Variants in PYGB observed in about 807,000 individuals in gnomAD.
PYGB encodes the protein glycogen phosphorylase, brain form.
In PYGB, 82 loss-of-function variants were observed where a neutral mutation model predicts 94.3. The ratio of observed to expected loss-of-function variants is 0.87; its 90% CI spans 0.73 to 1.04. The LOEUF (loss-of-function observed/expected upper bound fraction) is 1.04. Ranked by LOEUF, PYGB falls within the 50% of genes least tolerant of loss-of-function variation. The probability of loss-of-function intolerance (pLI) is 0.00; values close to 1 mark genes in which losing one functional copy is unlikely to be tolerated. For synonymous variants in PYGB, 488 were observed against 479.1 expected (o/e 1.02, Z -0.24); for missense variants, 1,132 against 1,158.2 (o/e 0.98, Z 0.33).
chr20:25,249,092 C>G (rs1341848134), intron 1 of PYGB, among the ~76,000 whole-genome samples: 1 of 152,122 alleles, frequency 6.6e-6, no homozygotes, highest in East Asian at 1.9e-4. Context: ...TTATATCTTG[C>G]AAAAATTTGT....
In PYGB at chr20:25,284,138, A is replaced by AG. The variant is rs766610529; in HGVS notation, c.1657dup (p.Glu553GlyfsTer82). ...CTCAAGTTCTCGGCCTTCCTGGAGA[A>AG]GGAGTACAAGGTGAAGATCAACCCC... On this transcript the variant is annotated frameshift_variant, in exon 14 of 20. Transcript: ENST00000216962. LOFTEE classifies it high-confidence loss of function. 3 of 1,614,072 alleles carry AG rather than the reference A, an allele frequency of 1.9e-6. No homozygotes were observed.
At chr20:25,294,594 G>A (rs2258671) in intron 18 of PYGB, 6,432 of 539,958 alleles carry the variant, frequency 0.012, 221 homozygotes, top group African/African-American at 0.083. Context: ...GAGGTCCCAG[G>A]GGCAGCCGTG....
chr20:25,278,860 G>T (rs1392204049), intron 8 of PYGB, among the ~76,000 whole-genome samples, 197 bp from the exon 9 acceptor site: 3 of 150,140 alleles, frequency 2.0e-5, no homozygotes, highest in Admixed American at 2.0e-4. Flanking sequence ...GGCACATCGG[G>T]CACAGCGCAC....
intron 1 of PYGB, among the ~76,000 whole-genome samples, chr20:25,251,461 A>T (rs1555330): frequency 6.6e-6 from 1 of 152,038 alleles, no homozygotes; most frequent in Non-Finnish European, 1.5e-5. Flanking sequence ...AAATGTTTCT[A>T]TTTCATATTG....
Position 25,290,619 on chromosome 20 carries a change from A to G in PYGB, c.1966A>G (p.Lys656Glu). 1 of 1,596,256 alleles carries G rather than the reference A, an allele frequency of 6.3e-7. No individual in the cohort carries two copies. Among genetic ancestry groups the G allele is most frequent in the Non-Finnish European group, 8.6e-7 (1 of 1,164,850 alleles). ...LENYRVSLAE[K>E]VIPAADLSQQ... ...GAACTACCGTGTGTCCTTGGCTGAG[A>G]AAGGTAACCCTGGAAGCCTGTGTTG... The change falls in exon 16 of 20, where the codon AAA (lysine) becomes GAA (glutamate). Residue 656 changes from lysine to glutamate, a missense_variant. Physicochemically the swap from Lys to Glu is moderately conservative, Grantham distance 56. Transcript: ENST00000216962.
intron 18 of PYGB, chr20:25,295,101 G>T: frequency 1.4e-6 from 2 of 1,430,672 alleles, no homozygotes; most frequent in South Asian, 2.3e-5. Flanking sequence ...ACTCGATAGT[G>T]AACAGAAATG....
In PYGB at chr20:25,274,693, C is replaced by T. The variant is rs1384298337; in HGVS notation, c.630C>T (p.Thr210=). 43 of 1,613,362 alleles carry T rather than the reference C, an allele frequency of 2.7e-5. No individual in the cohort carries two copies. The highest frequency in any genetic ancestry group is 3.6e-5 in the Non-Finnish European group (42 of 1,179,952). ...PVHFYGRVEH[T]PDGVKWLDTQ... Reference sequence around the variant, plus strand: ...ACTTCTACGGACGCGTGGAGCACACCCCCGACGGCGTGAAGTGGCTGGACA... The same window carrying T: ...ACTTCTACGGACGCGTGGAGCACACTCCCGACGGCGTGAAGTGGCTGGACA... The change falls in exon 5 of 20, where the codon ACC becomes ACT. Residue 210 remains threonine, a synonymous_variant. Coordinates refer to ENST00000216962, the MANE Select transcript of PYGB (RefSeq NM_002862.4).
chr20:25,264,192 T>C (rs947578239), intron 2 of PYGB, among the ~76,000 whole-genome samples: 3 of 152,182 alleles, frequency 2.0e-5, no homozygotes, highest in African/African-American at 4.8e-5. Context: ...ATTATCTCAA[T>C]TGATGCAGAA....
chr20:25,274,644 G>T lies in PYGB; in HGVS notation c.581G>T (p.Arg194Leu), dbSNP rs757574513. 1 of 1,613,842 alleles carries T rather than the reference G, an allele frequency of 6.2e-7. No homozygotes were observed. ...TACGGCAACCCCTGGGAGAAAGCGC[G>T]GCCTGAGTATATGCTTCCCGTGCAC... ...LRYGNPWEKA[R>L]PEYMLPVHFY... The change falls in exon 5 of 20, where the codon CGG becomes CTG. Residue 194 changes from arginine to leucine, a missense_variant. Arg to Leu is a moderately radical substitution (Grantham distance 102, BLOSUM62 -2). Coordinates refer to ENST00000216962, the MANE Select transcript of PYGB (RefSeq NM_002862.4).
intron 4 of PYGB, among the ~76,000 whole-genome samples, chr20:25,271,905 G>A (rs548623229): frequency 6.6e-6 from 1 of 152,248 alleles, no homozygotes; most frequent in Non-Finnish European, 1.5e-5. Context: ...TAGAAGAGCA[G>A]TTGTAGCTTT....
At chr20:25,284,500 C>G (rs567174188) in intron 14 of PYGB, among the ~76,000 whole-genome samples, 19 of 152,386 alleles carry the variant, frequency 1.2e-4, no homozygotes, top group South Asian at 2.1e-4. Context: ...GTGGTGCCAT[C>G]ACGGCTCACT....
At chr20:25,278,002 T>A (rs2088329017) in intron 7 of PYGB, among the ~76,000 whole-genome samples, 1 of 152,208 alleles carries the variant, frequency 6.6e-6, no homozygotes, top group Non-Finnish European at 1.5e-5. Context: ...CACTCCCCTG[T>A]CCCCATGAGA....
At chr20:25,283,152 G>T in intron 12 of PYGB, 24 bp from the exon 13 acceptor site, 1 of 1,594,400 alleles carries the variant, frequency 6.3e-7, no homozygotes, top group South Asian at 1.1e-5. Flanking sequence ...GGCCCACAGT[G>T]AGCGGAACCT....
intron 14 of PYGB, among the ~76,000 whole-genome samples, chr20:25,286,609 C>T (rs537092522): frequency 2.6e-5 from 4 of 152,334 alleles, no homozygotes; most frequent in Non-Finnish European, 5.9e-5. Flanking sequence ...GGCAGCTCCT[C>T]TGCTGGGCCA....
chr20:25,272,799 T>G (rs2123552881), intron 4 of PYGB, among the ~76,000 whole-genome samples: 1 of 152,322 alleles, frequency 6.6e-6, no homozygotes, highest in African/African-American at 2.4e-5. Flanking sequence ...ATGTTGATGC[T>G]CTGATTCATT....
intron 10 of PYGB, 39 bp from the exon 11 acceptor site, chr20:25,280,910 T>C (rs1184201064): frequency 1.2e-6 from 2 of 1,606,394 alleles, no homozygotes; most frequent in Non-Finnish European, 1.7e-6. Flanking sequence ...CCGTGGGGCC[T>C]CCTGTGCCCA....
chr20:25,250,358 A>G (rs1441934569), intron 1 of PYGB, among the ~76,000 whole-genome samples: 2 of 152,204 alleles, frequency 1.3e-5, no homozygotes, highest in African/African-American at 2.4e-5. Flanking sequence ...AGTCCCTGCA[A>G]CAAAACAGGT....
intron 4 of PYGB, among the ~76,000 whole-genome samples, chr20:25,271,726 G>A (rs1389256091): frequency 6.6e-6 from 1 of 152,188 alleles, no homozygotes; most frequent in African/African-American, 2.4e-5. Context: ...TGACAGGGAA[G>A]TTGGGGCGTG....
Position 25,279,090 on chromosome 20 carries a change from C to T in PYGB, c.1033C>T (p.Leu345Phe), listed in dbSNP as rs772481182. 3 of 1,613,850 alleles carry T rather than the reference C, an allele frequency of 1.9e-6. No homozygotes were observed. The African/African-American group carries it at 4.0e-5, about 22-fold the overall frequency. ...AIQLNDTHPA[L>F]SIPELMRILV... Reference sequence around the variant, plus strand: ...CCAGCTGAACGACACCCACCCCGCCCTCTCCATCCCTGAGCTCATGCGGAT... The same window carrying T: ...CCAGCTGAACGACACCCACCCCGCCTTCTCCATCCCTGAGCTCATGCGGAT... Residue 345 changes from leucine to phenylalanine, a missense_variant, in exon 9 of 20, where the codon CTC (leucine) becomes TTC (phenylalanine). Transcript: ENST00000216962.
Sources: gnomAD v4.1 joint callset for allele counts (sites outside exome capture counted in the v4.1 genomes callset) on GRCh38, gnomAD v4.1.1 for gene constraint, MANE v1.5 for transcripts, NCBI Gene and HGNC (gene_info 2026-07-23, HGNC 2026-07-21) for gene names.